ZNRF3: variants seen among roughly 807,000 people sequenced by gnomAD.
The protein encoded by ZNRF3 is E3 ubiquitin-protein ligase ZNRF3.
A neutral mutation model predicts 72.5 loss-of-function variants in ZNRF3; 23 were observed. The ratio of observed to expected loss-of-function variants is 0.32; its 90% CI spans 0.23 to 0.45. ZNRF3 has a LOEUF of 0.45. Ranked by LOEUF, ZNRF3 falls within the 20% of genes least tolerant of loss-of-function variation. The pLI is 1.00. For missense variants in ZNRF3, 1,169 were observed against 1,272.1 expected, an observed-to-expected ratio of 0.92 and a Z score of 1.23; for synonymous variants, 610 against 545.3, an observed-to-expected ratio of 1.12 and a Z score of -1.65.
intron 2 of ZNRF3, among the ~76,000 whole-genome samples, chr22:29,033,374 G>T (rs1487076851): frequency 1.4e-5 from 2 of 141,186 alleles, no homozygotes; most frequent in African/African-American, 2.6e-5. Flanking sequence ...AAAAAAAAAG[G>T]CTCAATATAG....
chr22:28,921,229 A>G (rs927103705), intron 1 of ZNRF3, among the ~76,000 whole-genome samples: 4 of 151,852 alleles, frequency 2.6e-5, no homozygotes, highest in Non-Finnish European at 5.9e-5. Context: ...CCCCACCCCT[A>G]GTAGTCTGTT....
At chr22:29,051,854 G>A (rs1367996157) in intron 8 of ZNRF3, among the ~76,000 whole-genome samples, 15 of 147,142 alleles carry the variant, frequency 1.0e-4, no homozygotes, top group African/African-American at 1.8e-4. Context: ...GCAGTGAGCC[G>A]CGCTCCAGCC....
At chr22:28,963,360 C>G (rs1285389948) in intron 1 of ZNRF3, among the ~76,000 whole-genome samples, 1 of 152,116 alleles carries the variant, frequency 6.6e-6, no homozygotes, top group African/African-American at 2.4e-5. Flanking sequence ...CTGTAATTGC[C>G]CTGGTGAGTT....
chr22:28,961,150 G>A (rs1426830720), intron 1 of ZNRF3, among the ~76,000 whole-genome samples: 2 of 152,072 alleles, frequency 1.3e-5, no homozygotes, highest in Admixed American at 6.6e-5. Flanking sequence ...TTCCAAGATG[G>A]CACAAAAGGG....
intron 1 of ZNRF3, among the ~76,000 whole-genome samples, chr22:28,897,753 A>G (rs973798123): frequency 2.6e-5 from 4 of 152,056 alleles, no homozygotes; most frequent in South Asian, 4.1e-4. Flanking sequence ...AGTCCTTCCC[A>G]TGAAGCTTTT....
intron 1 of ZNRF3, among the ~76,000 whole-genome samples, chr22:28,892,158 C>A (rs1335333725): frequency 6.6e-6 from 1 of 152,214 alleles, no homozygotes; most frequent in Non-Finnish European, 1.5e-5. Flanking sequence ...TTAAAACTTA[C>A]CACGAGTGCT....
At chr22:28,962,802 T>G (rs934960363) in intron 1 of ZNRF3, among the ~76,000 whole-genome samples, 18 of 152,252 alleles carry the variant, frequency 1.2e-4, no homozygotes, top group Admixed American at 6.5e-5. Context: ...GGTCTCTGGC[T>G]GAAATTTGGT....
chr22:28,967,247 G>T (rs1182999530), intron 1 of ZNRF3, among the ~76,000 whole-genome samples: 1 of 152,104 alleles, frequency 6.6e-6, no homozygotes, highest in Non-Finnish European at 1.5e-5. Flanking sequence ...TAAATACACA[G>T]ATATTTACCA....
At chr22:28,937,215 A>ATATATTTTT (rs1384534826) in intron 1 of ZNRF3, among the ~76,000 whole-genome samples, 1 of 8,854 alleles carries the variant, frequency 1.1e-4, no homozygotes, top group African/African-American at 2.7e-4. Context: ...ATATATATAT[A>ATATATTTTT]TTTTTTTTTT....
intron 1 of ZNRF3, chr22:28,917,560 C>A: frequency 1.7e-6 from 1 of 576,846 alleles, no homozygotes; most frequent in Non-Finnish European, 2.2e-6. Flanking sequence ...TATATAAAAG[C>A]TCTTATAGCT....
intron 1 of ZNRF3, among the ~76,000 whole-genome samples, chr22:28,967,124 C>T (rs1212787766): frequency 1.3e-5 from 2 of 152,182 alleles, no homozygotes; most frequent in Non-Finnish European, 2.9e-5. Flanking sequence ...TCAGGTGATC[C>T]ACCCACCTTG....
chr22:29,020,763 T>TTTTG (rs1555985083), intron 2 of ZNRF3, among the ~76,000 whole-genome samples: 1 of 66,736 alleles, frequency 1.5e-5, no homozygotes, highest in African/African-American at 3.4e-5. Flanking sequence ...GGCTTTGTTT[T>TTTTG]TGTGTGTGTG....
At position 28,973,876 on chromosome 22, in the gene ZNRF3, C is replaced by T. The variant is rs143679624; in HGVS notation, c.301-13200C>T. 4.6e-5 allele frequency among the ~76,000 whole-genome samples: 7 copies of T among 152,012 alleles called. No individual in the cohort carries two copies. The South Asian group carries it at 6.2e-4, about 14-fold the overall frequency. ...TACTCAAGGTTACAAAAAACCAATACATCCCACTGGTTCCTTGTAAGAAAT... is the reference window on the plus strand; with the variant it reads ...TACTCAAGGTTACAAAAAACCAATATATCCCACTGGTTCCTTGTAAGAAAT... On this transcript the variant is annotated intron_variant, in intron 1 of 8. Coordinates refer to ENST00000544604, the MANE Select transcript of ZNRF3 (RefSeq NM_001206998.2).
rs1257792295 is a variant in ZNRF3, at chr22:29,042,477, T to C, written c.427-18T>C. 6.2e-7 allele frequency: 1 copy of C among 1,612,962 alleles called. No individual in the cohort carries two copies. The highest frequency in any genetic ancestry group is 8.5e-7 in the Non-Finnish European group (1 of 1,179,458). On this transcript the variant is annotated intron_variant, in intron 2 of 8. Transcript: ENST00000544604. ...AGAGGACCAGAGGGCCAACCTGCTG[T>C]TTTTTTAACTCTGGCAGGCCAAGCG... is the stretch of plus-strand genomic sequence containing the variant.
chr22:29,002,168 G>C (rs1042813406), intron 2 of ZNRF3, among the ~76,000 whole-genome samples: 6 of 152,114 alleles, frequency 3.9e-5, no homozygotes, highest in African/African-American at 1.2e-4. Flanking sequence ...TTCAATTTCA[G>C]CTCAATAGCA....
intron 1 of ZNRF3, among the ~76,000 whole-genome samples, chr22:28,936,835 C>G (rs568260213): frequency 1.8e-4 from 28 of 152,198 alleles, no homozygotes; most frequent in South Asian, 4.1e-4. Context: ...GCGTCTTCTA[C>G]AGTAGCTGGA....
chr22:29,037,230 C>T (rs556460454), intron 2 of ZNRF3, among the ~76,000 whole-genome samples: 1 of 152,256 alleles, frequency 6.6e-6, no homozygotes, highest in African/African-American at 2.4e-5. Flanking sequence ...TAGGTCCAAG[C>T]CCCAAACCAA....
chr22:29,024,244 C>T (rs776686774), intron 2 of ZNRF3, among the ~76,000 whole-genome samples: 6 of 148,196 alleles, frequency 4.0e-5, no homozygotes, highest in African/African-American at 7.5e-5. Context: ...TTCAGTCTCT[C>T]GAGTCTCTTT....
intron 1 of ZNRF3, among the ~76,000 whole-genome samples, chr22:28,951,528 A>G (rs1287230115): frequency 2.0e-5 from 3 of 152,332 alleles, no homozygotes; most frequent in Non-Finnish European, 2.9e-5. Flanking sequence ...AGATTCCCTC[A>G]TAGCCCCCAT....
Sources: gnomAD v4.1 joint callset for allele counts (sites outside exome capture counted in the v4.1 genomes callset) on GRCh38, gnomAD v4.1.1 for gene constraint, MANE v1.5 for transcripts, NCBI Gene and HGNC (gene_info 2026-07-23, HGNC 2026-07-21) for gene names.